Variants in CORIN observed in about 807,000 individuals in gnomAD.
CORIN encodes the protein atrial natriuretic peptide-converting enzyme.
A neutral mutation model predicts 125.3 loss-of-function variants in CORIN; 117 were observed. The ratio of observed to expected loss-of-function variants is 0.93; its 90% CI spans 0.80 to 1.09. The LOEUF is 1.09. Among genes scored for constraint, CORIN ranks in the 50% least tolerant of loss-of-function variants. The pLI is 0.00. For missense variants in CORIN, 1,253 were observed against 1,306.7 expected (o/e 0.96, Z 0.63); for synonymous variants, 450 against 466.4 (o/e 0.96, Z 0.45).
intron 11 of CORIN, 40 bp downstream of exon 11, chr4:47,664,992 G>A (rs1207062820): frequency 1.4e-6 from 2 of 1,431,404 alleles, no homozygotes; most frequent in African/African-American, 2.8e-5. Flanking sequence ...GGTTCTCTCT[G>A]AGGCAAAATA....
At position 47,680,261 on chromosome 4, in the gene CORIN, T is replaced by C. The variant is rs1725211444; in HGVS notation, c.1022-10A>G. ...GTTGTGGGATTGCAATCTGGAGAAA[T>C]GAAAACTCACGAGGATGCAGAGAAC... On this transcript the variant is annotated splice_polypyrimidine_tract_variant and intron_variant, in intron 7 of 21. Coordinates refer to ENST00000273857, the MANE Select transcript of CORIN (RefSeq NM_006587.4). 4 of 1,605,438 alleles carry C rather than the reference T, an allele frequency of 2.5e-6. No homozygotes were observed. The African/African-American group carries it at 4.0e-5, about 16-fold the overall frequency.
At chr4:47,743,197 G>GA (rs61450626) in intron 5 of CORIN, among the ~76,000 whole-genome samples, 27,639 of 147,908 alleles carry the variant, frequency 0.19, 2,888 homozygotes, top group Admixed American at 0.27. Context: ...TTAAGACACA[G>GA]AAAAAAAAAA....
chr4:47,830,260 A>T (rs1732923565), intron 1 of CORIN, among the ~76,000 whole-genome samples: 3 of 152,088 alleles, frequency 2.0e-5, no homozygotes. Context: ...GAACAGGCTC[A>T]TCGGTTGAGT....
At chr4:47,785,087 T>C (rs1447976089) in intron 3 of CORIN, among the ~76,000 whole-genome samples, 1 of 152,214 alleles carries the variant, frequency 6.6e-6, no homozygotes, top group Non-Finnish European at 1.5e-5. Context: ...TGGGTTTTCA[T>C]GAAAGAGAGA....
chr4:47,602,053 G>A (rs538538940), intron 20 of CORIN, among the ~76,000 whole-genome samples: 1 of 151,772 alleles, frequency 6.6e-6, no homozygotes, highest in Admixed American at 6.6e-5. Flanking sequence ...ATCACCTGAG[G>A]TCAGGAGTTT....
At chr4:47,791,262 G>T (rs1181382749) in intron 2 of CORIN, among the ~76,000 whole-genome samples, 1 of 152,142 alleles carries the variant, frequency 6.6e-6, no homozygotes, top group Non-Finnish European at 1.5e-5. Context: ...ATGGACCATT[G>T]CTTGTTTTGA....
intron 2 of CORIN, among the ~76,000 whole-genome samples, chr4:47,802,894 C>T (rs1184231290): frequency 6.6e-6 from 1 of 152,112 alleles, no homozygotes; most frequent in Non-Finnish European, 1.5e-5. Context: ...GCCCCAGTTC[C>T]AGAAGGCTCA....
intron 1 of CORIN, among the ~76,000 whole-genome samples, chr4:47,815,437 T>A (rs989155386): frequency 1.3e-5 from 2 of 152,134 alleles, no homozygotes; most frequent in Non-Finnish European, 2.9e-5. Flanking sequence ...TTTAGGTAAA[T>A]CCTATTTTCT....
chr4:47,641,927 C>A lies in CORIN; in HGVS notation c.2191G>T (p.Gly731Cys). The A allele has an allele frequency of 6.2e-7, 1 of 1,613,174 alleles. No homozygotes were observed. The highest frequency in any genetic ancestry group is 8.5e-7 in the Non-Finnish European group (1 of 1,179,406). ...ACAAACTACTGACCTTACCCTAAACCCATCTGCTTGCAGGCCAGCTGACTC... is the reference window on the plus strand; with the variant it reads ...ACAAACTACTGACCTTACCCTAAACACATCTGCTTGCAGGCCAGCTGACTC... ...ILSQLACKQM[G>C]LGEPSVTKLI... Residue 731 changes from glycine (G) to cysteine (C), a missense_variant, in exon 16 of 22, where the codon GGT (glycine) becomes TGT (cysteine). Coordinates refer to ENST00000273857, the MANE Select transcript of CORIN (RefSeq NM_006587.4).
At chr4:47,781,117 A>C (rs1469074220) in intron 3 of CORIN, among the ~76,000 whole-genome samples, 1 of 152,190 alleles carries the variant, frequency 6.6e-6, no homozygotes, top group African/African-American at 2.4e-5. Flanking sequence ...AAATTTTTTC[A>C]ATCAAAAGAC....
At chr4:47,631,081 A>G (rs540055440) in intron 16 of CORIN, among the ~76,000 whole-genome samples, 2 of 152,126 alleles carry the variant, frequency 1.3e-5, no homozygotes, top group African/African-American at 2.4e-5. Flanking sequence ...GACAAGTTAT[A>G]CCAGTTAATT....
Position 47,822,419 on chromosome 4 carries a change from C to T in CORIN, c.64-15372G>A, listed in dbSNP as rs182398422. On this transcript the variant is annotated intron_variant, in intron 1 of 21. Transcript: ENST00000273857. ...TGATATATTGCAACCACCTAATTCTCAGACCCCACTGGTTTTTCCATTAGT... is the reference window on the plus strand; with the variant it reads ...TGATATATTGCAACCACCTAATTCTTAGACCCCACTGGTTTTTCCATTAGT... Among the ~76,000 whole-genome samples, 373 of 152,344 alleles carry T rather than the reference C, an allele frequency of 2.4e-3. 3 individuals carry two copies. The highest frequency in any genetic ancestry group is 0.014 in the Middle Eastern group (4 of 294).
At chr4:47,760,166 T>C (rs1428451884) in intron 4 of CORIN, among the ~76,000 whole-genome samples, 1 of 152,210 alleles carries the variant, frequency 6.6e-6, no homozygotes, top group East Asian at 1.9e-4. Flanking sequence ...AAGTCAAAAT[T>C]ATTCCCTGAT....
intron 5 of CORIN, among the ~76,000 whole-genome samples, chr4:47,742,837 C>T (rs977212486): frequency 3.3e-5 from 5 of 152,122 alleles, no homozygotes; most frequent in Non-Finnish European, 7.4e-5. Flanking sequence ...ATATAATATT[C>T]AATATAAAGA....
intron 19 of CORIN, among the ~76,000 whole-genome samples, chr4:47,608,049 G>A (rs764119734): frequency 1.1e-4 from 16 of 152,120 alleles, no homozygotes; most frequent in South Asian, 2.1e-4. Context: ...GGCCAGGTGC[G>A]GTGGTTCACA....
intron 5 of CORIN, among the ~76,000 whole-genome samples, chr4:47,729,149 CAG>C (rs1727738345): frequency 1.3e-5 from 2 of 152,148 alleles, no homozygotes; most frequent in African/African-American, 4.8e-5. Context: ...CCCAGAAAAA[CAG>C]TGGAAACTCA....
chr4:47,618,635 T>C (rs571582361), intron 19 of CORIN, among the ~76,000 whole-genome samples: 1 of 151,900 alleles, frequency 6.6e-6, no homozygotes, highest in African/African-American at 2.4e-5. Context: ...CTGGCTAACA[T>C]GGTGAAACCC....
chr4:47,715,433 C>T (rs147649865), intron 5 of CORIN, among the ~76,000 whole-genome samples: 93 of 151,870 alleles, frequency 6.1e-4, no homozygotes, highest in African/African-American at 2.2e-3. Flanking sequence ...ATGGCGAAAC[C>T]TCGTCTCTAC....
intron 9 of CORIN, among the ~76,000 whole-genome samples, chr4:47,675,610 G>A (rs1031857716): frequency 6.6e-5 from 10 of 152,194 alleles, no homozygotes; most frequent in African/African-American, 1.9e-4. Context: ...GCTAGGCACT[G>A]AGCATTAAAA....
Sources: allele counts gnomAD v4.1 joint callset (sites outside exome capture counted in the v4.1 genomes callset), GRCh38; gene constraint gnomAD v4.1.1; transcripts MANE v1.5; gene names NCBI Gene and HGNC (gene_info 2026-07-23, HGNC 2026-07-21).